The following B4GALNT2 variants were observed in gnomAD, a reference collection of about 807,000 sequenced individuals.
The protein encoded by B4GALNT2 is N-acetylneuraminylgalactosylglucosyl-glucoside beta-1,4-N- acetylgalactosaminyltransferase 2.
Under a neutral mutation model 51.1 loss-of-function variants are expected in B4GALNT2, and 42 were observed. That is an observed-to-expected ratio of 0.82 (90% CI 0.64 to 1.06). B4GALNT2 has a LOEUF of 1.06. Ranked by LOEUF, B4GALNT2 falls within the 50% of genes least tolerant of loss-of-function variation. B4GALNT2 has a pLI of 0.00. For synonymous variants in B4GALNT2, 253 were observed against 251.7 expected (o/e 1.01, Z -0.05); for missense variants, 602 against 633.6 (o/e 0.95, Z 0.54).
At chr17:49,126,521 G>A in the B4GALNT2 span, among the ~76,000 whole-genome samples, 3 of 136,516 alleles carry the variant, frequency 2.2e-5, no homozygotes, top group Admixed American at 7.4e-5. Context: ...AACAAACTCC[G>A]TGTGTCCTAG....
chr17:49,127,206 GT>G, the B4GALNT2 span, among the ~76,000 whole-genome samples: 2 of 152,130 alleles, frequency 1.3e-5, no homozygotes, highest in Admixed American at 1.3e-4. Flanking sequence ...AAGATTAGAA[GT>G]TAGGTATTTC....
Position 49,169,804 on chromosome 17 carries a change from T to C in B4GALNT2, c.*76T>C. ...AGCAGGCCACCAAAAACTGGACTCCTGATAGGTGAACGTTGTACCAAACCA... is the reference window on the plus strand; with the variant it reads ...AGCAGGCCACCAAAAACTGGACTCCCGATAGGTGAACGTTGTACCAAACCA... On this transcript the variant is annotated 3_prime_UTR_variant, in exon 11 of 11. Transcript: ENST00000393354. The C allele has an allele frequency of 7.3e-7, 1 of 1,364,970 alleles. No homozygotes were observed. The highest frequency in any genetic ancestry group is 9.8e-7 in the Non-Finnish European group (1 of 1,018,734). 84.6% of individuals were successfully genotyped at this position (1,364,970 alleles called of 1,614,324 possible). A position where few individuals can be genotyped will look rare whatever the true frequency, so the allele number is the denominator to read the frequency against.
upstream of B4GALNT2, among the ~76,000 whole-genome samples, chr17:49,130,179 T>G (rs1335553373): frequency 6.6e-6 from 1 of 152,228 alleles, no homozygotes; most frequent in East Asian, 1.9e-4. Flanking sequence ...ACAACACTAA[T>G]GTGAAGCAAG....
intron 7 of B4GALNT2, among the ~76,000 whole-genome samples, chr17:49,163,812 G>T (rs947366665): frequency 6.7e-6 from 1 of 150,374 alleles, no homozygotes; most frequent in African/African-American, 2.4e-5. Context: ...AGTGCTAACA[G>T]GCAGGAGGTG....
chr17:49,142,179 C>T lies in B4GALNT2; in HGVS notation c.353+7C>T, dbSNP rs761417339. 23 of 1,613,772 alleles carry T rather than the reference C, an allele frequency of 1.4e-5. No homozygotes were observed. The highest frequency in any genetic ancestry group is 1.6e-4 in the Middle Eastern group (1 of 6,074). The stretch of plus-strand genomic sequence containing the variant: ...TTGAACACTTTCAGAGGAGGTAATG[C>T]GGGTCATGAAGGCCCTTGGGTTCTG... On this transcript the variant is annotated splice_region_variant and intron_variant, in intron 3 of 10. Transcript: ENST00000393354.
chr17:49,137,614 C>A (rs1285528467), intron 1 of B4GALNT2, among the ~76,000 whole-genome samples: 3 of 152,154 alleles, frequency 2.0e-5, no homozygotes, highest in African/African-American at 4.8e-5. Flanking sequence ...AGTGTGATAA[C>A]AGAGCATTGT....
chr17:49,155,948 C>T lies in B4GALNT2; in HGVS notation c.461-618C>T, dbSNP rs556417483. On this transcript the variant is annotated intron_variant, in intron 4 of 10. Transcript: ENST00000393354. ...TTCACCGTGTTAGCCAGGATGATCT[C>T]GATCTCCTGACCTCGTGATCCGCCC... Among the ~76,000 whole-genome samples, 214 of 152,120 alleles carry T rather than the reference C, an allele frequency of 1.4e-3. 2 individuals carry two copies. Among genetic ancestry groups the T allele is most frequent in the East Asian group, 3.9e-3 (20 of 5,160 alleles).
chr17:49,157,306 C>T (rs1021568578), intron 5 of B4GALNT2, among the ~76,000 whole-genome samples: 2 of 148,844 alleles, frequency 1.3e-5, no homozygotes, highest in African/African-American at 2.5e-5. Context: ...ACTGCAGGCA[C>T]GCACCAACAA....
At chr17:49,157,629 A>ATT (rs1207810897) in intron 5 of B4GALNT2, among the ~76,000 whole-genome samples, 2 of 151,610 alleles carry the variant, frequency 1.3e-5, no homozygotes, top group African/African-American at 4.9e-5. Context: ...CTGGTTACTT[A>ATT]TTTTTTATTT....
At chr17:49,133,783 A>C (rs771643612) in intron 1 of B4GALNT2, among the ~76,000 whole-genome samples, 6 of 151,994 alleles carry the variant, frequency 3.9e-5, no homozygotes, top group Non-Finnish European at 5.9e-5. Context: ...TGTGGTGGCA[A>C]GTGCCTGTAA....
intron 7 of B4GALNT2, among the ~76,000 whole-genome samples, chr17:49,161,266 C>T (rs1404991075): frequency 1.0e-5 from 1 of 95,396 alleles, no homozygotes; most frequent in Non-Finnish European, 2.1e-5. Context: ...CAGAGCAAGA[C>T]TCTGTCTTGA....
chr17:49,161,614 A>G (rs969318766), intron 7 of B4GALNT2, among the ~76,000 whole-genome samples: 2 of 152,152 alleles, frequency 1.3e-5, no homozygotes, highest in Non-Finnish European at 1.5e-5. Flanking sequence ...AAACTTGAAT[A>G]TATGCCACAG....
chr17:49,173,038 A>G lies in B4GALNT2; in HGVS notation c.*3310A>G, dbSNP rs913820020. Reference sequence around the variant, plus strand: ...CGTATCTGTGTTTGAGACCAGAGGCATTAACATAGGTTAAATTGTGAAAGT... The same window carrying G: ...CGTATCTGTGTTTGAGACCAGAGGCGTTAACATAGGTTAAATTGTGAAAGT... On this transcript the variant is annotated 3_prime_UTR_variant, in exon 11 of 11. Transcript: ENST00000393354. The G allele has an allele frequency of 6.6e-6, 1 of 152,262 alleles. No individual in the cohort carries two copies. Among genetic ancestry groups the G allele is most frequent in the African/African-American group, 2.4e-5 (1 of 41,474 alleles). The allele number at this position is 152,262 out of a possible 1,614,324, so 9.4% of individuals were successfully genotyped here. A position where few individuals can be genotyped will look rare whatever the true frequency, so the allele number is the denominator to read the frequency against.
At chr17:49,162,910 C>T (rs374039770) in intron 7 of B4GALNT2, among the ~76,000 whole-genome samples, 87 of 1,030 alleles carry the variant, frequency 0.084, no homozygotes, top group African/African-American at 0.19. Context: ...CAGAAACTGT[C>T]TCAAAAAAAA....
intron 1 of B4GALNT2, among the ~76,000 whole-genome samples, chr17:49,135,679 C>G (rs2042583429): frequency 6.6e-6 from 1 of 152,004 alleles, no homozygotes; most frequent in East Asian, 1.9e-4. Context: ...GCCTATAGTC[C>G]CAGCTACTCA....
Position 49,171,336 on chromosome 17 carries a change from A to T in B4GALNT2, c.*1608A>T. The T allele has an allele frequency of 2.4e-6, 1 of 410,112 alleles. No individual in the cohort carries two copies. Among genetic ancestry groups the T allele is most frequent in the South Asian group, 1.8e-5 (1 of 56,056 alleles). The allele number at this position is 410,112 out of a possible 1,614,324, so 25.4% of individuals were successfully genotyped here. ...TGTCTTTATCCACTTTAATGGGTTA[A>T]TATCTGCTAATCTGTCTGCAGCTCC... is the stretch of plus-strand genomic sequence containing the variant. On this transcript the variant is annotated 3_prime_UTR_variant, in exon 11 of 11. Transcript: ENST00000393354.
At chr17:49,164,050 A>G (rs763841734) in intron 7 of B4GALNT2, 38 bp from the exon 8 acceptor site, 1 of 1,586,432 alleles carries the variant, frequency 6.3e-7, no homozygotes, top group East Asian at 2.2e-5. Context: ...GAAGCTTCCT[A>G]CAGGACAGAG....
At chr17:49,136,057 T>C (rs1340811937) in intron 1 of B4GALNT2, among the ~76,000 whole-genome samples, 1 of 146,280 alleles carries the variant, frequency 6.8e-6, no homozygotes, top group African/African-American at 2.6e-5. Flanking sequence ...CACTCCAGCC[T>C]GGGCAACAGA....
chr17:49,169,439 G>T, intron 10 of B4GALNT2, 84 bp from the exon 11 acceptor site: 1 of 1,329,808 alleles, frequency 7.5e-7, no homozygotes, highest in Non-Finnish European at 1.1e-6. Flanking sequence ...TCCTCTCCCT[G>T]GGACTCTCCC....
Sources: gnomAD v4.1 joint callset for allele counts (sites outside exome capture counted in the v4.1 genomes callset) on GRCh38, gnomAD v4.1.1 for gene constraint, MANE v1.5 for transcripts, NCBI Gene and HGNC (gene_info 2026-07-23, HGNC 2026-07-21) for gene names.